ZC3H13: variants seen among roughly 807,000 people sequenced by gnomAD.
The protein encoded by ZC3H13 is zinc finger CCCH-type containing 13.
Under a neutral mutation model 204.1 loss-of-function variants are expected in ZC3H13, and 64 were observed. The observed-to-expected ratio is 0.31, with a 90% confidence interval of 0.26 to 0.39. The LOEUF is 0.39. Among genes scored for constraint, ZC3H13 ranks in the 10% least tolerant of loss-of-function variants. The probability of loss-of-function intolerance (pLI) is 1.00; values close to 1 mark genes in which losing one functional copy is unlikely to be tolerated. For synonymous variants in ZC3H13, 667 were observed against 693.7 expected (o/e 0.96, Z 0.60); for missense variants, 1,833 against 2,082.7 (o/e 0.88, Z 2.33).
chr13:46,017,515 AAT>A (rs1320194042), intron 5 of ZC3H13, among the ~76,000 whole-genome samples: 2 of 152,148 alleles, frequency 1.3e-5, no homozygotes, highest in Non-Finnish European at 2.9e-5. Context: ...TGCTTTGCAA[AAT>A]AGTTATTTTT....
intron 7 of ZC3H13, 86 bp downstream of exon 7, chr13:46,010,262 A>T (rs964047640): frequency 3.1e-6 from 4 of 1,310,962 alleles, no homozygotes; most frequent in Non-Finnish European, 4.1e-6. Context: ...AAATGTACTA[A>T]AAGTACCCTT....
intron 3 of ZC3H13, 49 bp from the exon 4 acceptor site, chr13:46,042,324 A>C (rs753249528): frequency 3.0e-6 from 4 of 1,317,766 alleles, no homozygotes; most frequent in Non-Finnish European, 4.3e-6. Context: ...CAAAACAACA[A>C]AAATCTGTAT....
At chr13:46,027,750 T>A (rs2042628194) in intron 4 of ZC3H13, among the ~76,000 whole-genome samples, 1 of 152,172 alleles carries the variant, frequency 6.6e-6, no homozygotes. Flanking sequence ...CAGACCTGAA[T>A]TAGCTGTAAA....
chr13:45,978,169 T>C (rs1953228299), intron 11 of ZC3H13, among the ~76,000 whole-genome samples: 1 of 152,144 alleles, frequency 6.6e-6, no homozygotes, highest in Admixed American at 6.6e-5. Flanking sequence ...TGCTCCTTTG[T>C]CTTCTCACAG....
In ZC3H13 at chr13:45,985,579, T is replaced by A; in HGVS notation, c.1438A>T (p.Arg480Trp). 1 of 1,614,098 alleles carries A rather than the reference T, an allele frequency of 6.2e-7. No homozygotes were observed. The highest frequency in any genetic ancestry group is 8.5e-7 in the Non-Finnish European group (1 of 1,180,008). The change falls in exon 10 of 19, where the codon AGG (arginine) becomes TGG (tryptophan). Residue 480 changes from arginine (R) to tryptophan (W), a missense_variant. This residue lies in a region of ZC3H13 where 1,574 missense variants were observed against 1,757.2 expected (regional missense o/e 0.90). Transcript: ENST00000679008. ...LRDSRDMRDS[R>W]EMRDYSRDTK... ...TCTCTGCTATAATCTCTCATCTCCC[T>A]TGAGTCCCGCATGTCTCTGGAGTCT...
chr13:46,030,560 T>C (rs867181480), intron 4 of ZC3H13, among the ~76,000 whole-genome samples: 8 of 152,322 alleles, frequency 5.3e-5, no homozygotes, highest in Middle Eastern at 3.4e-3. Flanking sequence ...TATAAAGCTA[T>C]AGCAATCAAG....
intron 4 of ZC3H13, among the ~76,000 whole-genome samples, chr13:46,029,459 C>T (rs1416091706): frequency 6.4e-5 from 9 of 140,650 alleles, no homozygotes; most frequent in Admixed American, 2.9e-4. Flanking sequence ...GACGGAGTCT[C>T]GCTCTGTCGC....
chr13:45,992,818 T>G (rs1168949112), intron 8 of ZC3H13, among the ~76,000 whole-genome samples: 1 of 152,172 alleles, frequency 6.6e-6, no homozygotes, highest in Non-Finnish European at 1.5e-5. Context: ...GAAGGTTACA[T>G]TCTCTGCCTG....
intron 12 of ZC3H13, among the ~76,000 whole-genome samples, chr13:45,975,048 G>C (rs1376036426): frequency 1.3e-5 from 2 of 151,890 alleles, no homozygotes; most frequent in Non-Finnish European, 2.9e-5. Flanking sequence ...GTTTTGCCAT[G>C]TTGCCCAGGC....
chr13:46,049,006 G>T (rs1351735372), intron 1 of ZC3H13, among the ~76,000 whole-genome samples: 2 of 151,992 alleles, frequency 1.3e-5, no homozygotes, highest in Admixed American at 1.3e-4. Context: ...ACAAAAATTA[G>T]CTGGGTGTGG....
chr13:46,006,083 CCA>C (rs1566264894), intron 7 of ZC3H13, among the ~76,000 whole-genome samples: 6 of 146,266 alleles, frequency 4.1e-5, no homozygotes, highest in Non-Finnish European at 4.5e-5. Context: ...GGACTCTGTC[CCA>C]AAAAAAAAAA....
intron 8 of ZC3H13, among the ~76,000 whole-genome samples, chr13:45,997,347 A>T (rs1237535736): frequency 6.6e-6 from 1 of 152,248 alleles, no homozygotes; most frequent in Non-Finnish European, 1.5e-5. Flanking sequence ...AATCCTTGAC[A>T]TCAGGTTAGT....
chr13:45,985,209 C>T (rs11617425), intron 10 of ZC3H13, 88 bp downstream of exon 10: 48,129 of 1,289,166 alleles, frequency 0.037, 1,143 homozygotes, highest in Middle Eastern at 0.047. Flanking sequence ...AAAATGATAA[C>T]AAATGTAAGA....
At chr13:45,983,846 T>C (rs994079428) in intron 10 of ZC3H13, among the ~76,000 whole-genome samples, 1 of 152,054 alleles carries the variant, frequency 6.6e-6, no homozygotes, top group Non-Finnish European at 1.5e-5. Context: ...GTTAAGAGAA[T>C]CTAATTAGAT....
chr13:45,969,707 C>A lies in ZC3H13; in HGVS notation c.2837G>T (p.Arg946Leu), dbSNP rs763875341. ...DIIGHHQSED[R>L]ETSDRAHDEN... is the part of the protein sequence containing the mutation. Reference sequence around the variant, plus strand: ...ATCATGAGCTCGATCAGATGTCTCTCGATCTTCAGACTGGTGGTGTCCTAT... The same window carrying A: ...ATCATGAGCTCGATCAGATGTCTCTAGATCTTCAGACTGGTGGTGTCCTAT... The change falls in exon 14 of 19, where the codon CGA (arginine) becomes CTA (leucine). Residue 946 changes from arginine to leucine, a missense_variant. Around this residue, in one of 5 missense-constraint regions of ZC3H13, gnomAD observed 1,574 missense variants for 1,757.2 expected, o/e 0.90. Coordinates refer to ENST00000679008, the MANE Select transcript of ZC3H13 (RefSeq NM_001330564.2). 16 of 1,613,684 alleles carry A rather than the reference C, an allele frequency of 9.9e-6. No individual in the cohort carries two copies. Among genetic ancestry groups the A allele is most frequent in the African/African-American group, 1.3e-5 (1 of 74,968 alleles).
intron 4 of ZC3H13, among the ~76,000 whole-genome samples, chr13:46,037,846 T>A: frequency 6.6e-6 from 1 of 152,240 alleles, no homozygotes; most frequent in East Asian, 1.9e-4. Context: ...TCTCAACATA[T>A]AATCTACATT....
chr13:46,002,995 T>A (rs2040861412), intron 8 of ZC3H13, 144 bp downstream of exon 8: 2 of 639,228 alleles, frequency 3.1e-6, no homozygotes, highest in South Asian at 5.0e-5. Flanking sequence ...ATAATAATTA[T>A]TATGGGAATT....
chr13:45,982,567 A>G (rs1378095149), intron 10 of ZC3H13, among the ~76,000 whole-genome samples: 1 of 152,202 alleles, frequency 6.6e-6, no homozygotes, highest in African/African-American at 2.4e-5. Context: ...TAACCAAAAG[A>G]CAGCTGCCAG....
chr13:45,967,897 C>G lies in ZC3H13; in HGVS notation c.3928G>C (p.Glu1310Gln). The change falls in exon 15 of 19, where the codon GAG becomes CAG. Residue 1310 changes from glutamate to glutamine, a missense_variant. By Grantham distance (29) the Glu-to-Gln change is conservative. This residue lies in a region of ZC3H13 where 1,574 missense variants were observed against 1,757.2 expected (regional missense o/e 0.90). Coordinates refer to ENST00000679008, the MANE Select transcript of ZC3H13 (RefSeq NM_001330564.2). ...GTATCTCTCCTCTCTCTCTCGCGCT[C>G]TCTGTCGTGTTCATATCGATCTCGT... Reference protein sequence around the residue: ...QERDRYEHDRERERERRDTRQ... With the variant: ...QERDRYEHDRQRERERRDTRQ... 6.2e-7 allele frequency: 1 copy of G among 1,614,060 alleles called. No homozygotes were observed. The highest frequency in any genetic ancestry group is 8.5e-7 in the Non-Finnish European group (1 of 1,179,972).
Sources: gnomAD v4.1 joint callset for allele counts (sites outside exome capture counted in the v4.1 genomes callset) on GRCh38, gnomAD v4.1.1 for gene constraint, gnomAD v4.1.1 regional missense constraint, MANE v1.5 for transcripts, NCBI Gene and HGNC (gene_info 2026-07-23, HGNC 2026-07-21) for gene names.